The following GPC5 variants were observed in gnomAD, a reference collection of about 807,000 sequenced individuals.
The protein encoded by GPC5 is glypican-5.
A neutral mutation model predicts 53.9 loss-of-function variants in GPC5; 47 were observed. The ratio of observed to expected loss-of-function variants is 0.87; its 90% CI spans 0.69 to 1.11. The LOEUF is 1.11. Among genes scored for constraint, GPC5 ranks in the 50% most tolerant of loss-of-function variants. The probability of loss-of-function intolerance (pLI) is 0.00; values close to 1 mark genes in which losing one functional copy is unlikely to be tolerated. For synonymous variants in GPC5, 286 were observed against 263.3 expected, an observed-to-expected ratio of 1.09 and a Z score of -0.84; for missense variants, 748 against 713.1, an observed-to-expected ratio of 1.05 and a Z score of -0.56.
intron 7 of GPC5, among the ~76,000 whole-genome samples, chr13:92,535,736 T>A (rs1272443384): frequency 6.6e-6 from 1 of 151,998 alleles, no homozygotes; most frequent in Non-Finnish European, 1.5e-5. Context: ...GCCAATAACT[T>A]ACTTTGCACA....
intron 6 of GPC5, among the ~76,000 whole-genome samples, chr13:92,022,689 A>G (rs72633793): frequency 0.029 from 4,365 of 152,146 alleles, 150 homozygotes; most frequent in African/African-American, 0.082. Context: ...TACTTTTACA[A>G]CTAAAACTCC....
chr13:92,045,483 A>G (rs1248661659), intron 6 of GPC5, among the ~76,000 whole-genome samples: 1 of 152,088 alleles, frequency 6.6e-6, no homozygotes, highest in Non-Finnish European at 1.5e-5. Context: ...GGCTTGCTGA[A>G]CACTTGGAGA....
At chr13:92,419,514 G>A (rs1159732701) in intron 7 of GPC5, among the ~76,000 whole-genome samples, 1 of 152,124 alleles carries the variant, frequency 6.6e-6, no homozygotes, top group African/African-American at 2.4e-5. Context: ...TCATTTCTGA[G>A]CTACAGTTTC....
chr13:92,858,116 C>T (rs921529240), intron 7 of GPC5, among the ~76,000 whole-genome samples: 7 of 152,166 alleles, frequency 4.6e-5, no homozygotes, highest in Admixed American at 4.6e-4. Flanking sequence ...TATGTAGACA[C>T]TGATATGGTT....
intron 7 of GPC5, among the ~76,000 whole-genome samples, chr13:92,854,471 T>G (rs939709473): frequency 6.6e-6 from 1 of 151,446 alleles, no homozygotes; most frequent in Middle Eastern, 3.4e-3. Context: ...ACAACTAAAA[T>G]ACAAGTATCA....
rs2031749621 is a variant in GPC5 at position 91,570,846 on chromosome 13, A to G, written c.325+121924A>G. Among the ~76,000 whole-genome samples, 3 of 152,182 alleles carry G rather than the reference A, an allele frequency of 2.0e-5. No homozygotes were observed. In the South Asian group the frequency reaches 6.2e-4, roughly 31 times the overall value. ...TTGATGGGATGCATACACTTTATAA[A>G]CTTGGGACTCAGAATTTTGGGAAAG... On this transcript the variant is annotated intron_variant, in intron 2 of 7. Transcript: ENST00000377067.
chr13:92,373,696 C>T (rs1183394017), intron 7 of GPC5, among the ~76,000 whole-genome samples: 1 of 152,188 alleles, frequency 6.6e-6, no homozygotes, highest in Non-Finnish European at 1.5e-5. Flanking sequence ...TACAGCACAG[C>T]ATGAGGTTAT....
chr13:91,882,087 AAG>A (rs1212819536), intron 5 of GPC5, among the ~76,000 whole-genome samples: 1 of 152,190 alleles, frequency 6.6e-6, no homozygotes, highest in Admixed American at 6.5e-5. Flanking sequence ...TCTTTTAAAA[AAG>A]AGATAATTTA....
chr13:92,753,332 A>G (rs1027002009), intron 7 of GPC5, among the ~76,000 whole-genome samples: 4 of 152,168 alleles, frequency 2.6e-5, no homozygotes, highest in Admixed American at 6.5e-5. Flanking sequence ...CCATCTGTAC[A>G]TCACCATCAT....
chr13:91,964,210 A>T (rs1056415049), intron 6 of GPC5, among the ~76,000 whole-genome samples: 1 of 152,208 alleles, frequency 6.6e-6, no homozygotes, highest in African/African-American at 2.4e-5. Context: ...TCACAAAGGC[A>T]GTGCAGACCC....
At chr13:92,550,198 C>T (rs1882265512) in intron 7 of GPC5, among the ~76,000 whole-genome samples, 1 of 151,504 alleles carries the variant, frequency 6.6e-6, no homozygotes, top group East Asian at 1.9e-4. Flanking sequence ...AATAATAGAA[C>T]TATTATTTTA....
intron 5 of GPC5, among the ~76,000 whole-genome samples, chr13:91,890,224 C>T (rs143463827): frequency 4.9e-4 from 74 of 152,266 alleles, no homozygotes; most frequent in African/African-American, 1.3e-3. Context: ...TGCAGTCTTT[C>T]GTGGTAGTTC....
At chr13:92,586,961 C>CGT (rs1883554815) in intron 7 of GPC5, among the ~76,000 whole-genome samples, 1 of 112,230 alleles carries the variant, frequency 8.9e-6, no homozygotes, top group Non-Finnish European at 1.7e-5. Context: ...CACACACACA[C>CGT]ACGCGCACAC....
At chr13:92,086,350 G>A (rs528654862) in intron 6 of GPC5, among the ~76,000 whole-genome samples, 5 of 152,230 alleles carry the variant, frequency 3.3e-5, no homozygotes, top group South Asian at 4.1e-4. Context: ...TGACATTAGC[G>A]CATTTATGCA....
At chr13:92,578,510 A>C (rs991416252) in intron 7 of GPC5, among the ~76,000 whole-genome samples, 2 of 152,200 alleles carry the variant, frequency 1.3e-5, no homozygotes, top group Non-Finnish European at 2.9e-5. Context: ...ATCTGCAGGC[A>C]GGAGAACCAG....
rs192305918 is a variant in GPC5, at chr13:91,444,708, G to A, written c.164-4053G>A. On this transcript the variant is annotated intron_variant, in intron 1 of 7. Transcript: ENST00000377067. The stretch of plus-strand genomic sequence containing the variant: ...ATTTCACTTACAGCATTTCTCTTCT[G>A]TGTGTGGTTCTGTCCTGGAAAGGAG... Among the ~76,000 whole-genome samples, 18 of 152,200 alleles carry A rather than the reference G, an allele frequency of 1.2e-4. No homozygotes were observed. In the East Asian group the frequency reaches 3.5e-3, roughly 29 times the overall value.
At chr13:92,469,571 A>G (rs767347886) in intron 7 of GPC5, among the ~76,000 whole-genome samples, 20 of 152,126 alleles carry the variant, frequency 1.3e-4, no homozygotes, top group Non-Finnish European at 2.9e-4. Flanking sequence ...TTCACATTAT[A>G]TAATTGCTGA....
chr13:92,212,291 G>T (rs754295537), intron 7 of GPC5, among the ~76,000 whole-genome samples: 3 of 152,020 alleles, frequency 2.0e-5, no homozygotes, highest in Non-Finnish European at 4.4e-5. Context: ...AGGATTACAG[G>T]GGTAATAAAT....
chr13:92,545,540 T>C (rs942201223), intron 7 of GPC5, among the ~76,000 whole-genome samples: 15 of 152,166 alleles, frequency 9.9e-5, no homozygotes, highest in Middle Eastern at 3.2e-3. Context: ...CCACCAACAG[T>C]GTAAAAGTGT....
Sources: gnomAD v4.1 joint callset for allele counts (sites outside exome capture counted in the v4.1 genomes callset) on GRCh38, gnomAD v4.1.1 for gene constraint, MANE v1.5 for transcripts, NCBI Gene and HGNC (gene_info 2026-07-23, HGNC 2026-07-21) for gene names.